CTNNA2: variants seen among roughly 807,000 people sequenced by gnomAD.
CTNNA2 encodes the protein catenin alpha-2.
CTNNA2 carries 42 observed loss-of-function variants against 101.0 expected under a neutral mutation model. That is an observed-to-expected ratio of 0.42 (90% confidence interval 0.32 to 0.54). The LOEUF (loss-of-function observed/expected upper bound fraction) is 0.54. Ranked by LOEUF, CTNNA2 falls within the 20% of genes least tolerant of loss-of-function variation. The probability of loss-of-function intolerance (pLI) is 0.14; values close to 1 mark genes in which losing one functional copy is unlikely to be tolerated. For synonymous variants in CTNNA2, 450 were observed against 456.4 expected, an observed-to-expected ratio of 0.99 and a Z score of 0.18; for missense variants, 871 against 1,223.1, an observed-to-expected ratio of 0.71 and a Z score of 4.29.
At chr2:80,286,463 G>C (rs974400725) in intron 7 of CTNNA2, among the ~76,000 whole-genome samples, 1 of 152,128 alleles carries the variant, frequency 6.6e-6, no homozygotes, top group Non-Finnish European at 1.5e-5. Context: ...ATATTGAAAT[G>C]GAATAAAATT....
chr2:80,604,118 C>T lies in CTNNA2; in HGVS notation c.2234C>T (p.Ala745Val). 1.2e-6 allele frequency: 2 copies of T among 1,613,092 alleles called. No homozygotes were observed. Among genetic ancestry groups the T allele is most frequent in the Non-Finnish European group, 1.7e-6 (2 of 1,179,452 alleles). ...AATACATCTGATGTCATTAATGCTG[C>T]CAAGAAAATTGCCGAAGCAGGTTCT... ...LKNTSDVINA[A>V]KKIAEAGSRM... Residue 745 changes from alanine (A) to valine (V), a missense_variant, in exon 16 of 19, where the codon GCC becomes GTC. Physicochemically the swap from Ala to Val is moderately conservative, Grantham distance 64. This residue lies in a region of CTNNA2 where 93 missense variants were observed against 223.7 expected (regional missense o/e 0.42). Coordinates refer to ENST00000402739, the MANE Select transcript of CTNNA2 (RefSeq NM_001282597.3).
intron 1 of CTNNA2, among the ~76,000 whole-genome samples, chr2:79,650,628 T>C (rs1398720216): frequency 6.6e-6 from 1 of 151,960 alleles, no homozygotes; most frequent in Non-Finnish European, 1.5e-5. Context: ...TCTTTTTTTT[T>C]TTTTAAATGT....
rs148170772 is a variant in CTNNA2, at chr2:79,248,300, C to T, written c.-406+50224C>T. Among the ~76,000 whole-genome samples, 297 of 151,928 alleles carry T rather than the reference C, an allele frequency of 2.0e-3. 8 individuals carry two copies. The East Asian group carries it at 0.036, about 18-fold the overall frequency. On this transcript the variant is annotated intron_variant, in intron 2 of 21. Coordinates refer to the CTNNA2 transcript ENST00000466387. ...CATGTTATTTTAAAATTTTAGTAGC[C>T]ATCCATGTTAAAAACAAAAGTAAAA...
chr2:80,568,389 T>A (rs1694248571), intron 12 of CTNNA2, among the ~76,000 whole-genome samples: 1 of 152,220 alleles, frequency 6.6e-6, no homozygotes, highest in Non-Finnish European at 1.5e-5. Context: ...TTTTACTTCT[T>A]ATCCTTCTCT....
At position 79,699,680 on chromosome 2, in the gene CTNNA2, T is replaced by G. The variant is rs536149443; in HGVS notation, c.103-44707T>G. Among the ~76,000 whole-genome samples, 6 of 151,180 alleles carry G rather than the reference T, an allele frequency of 4.0e-5. No homozygotes were observed. The East Asian group carries it at 1.2e-3, about 29-fold the overall frequency. ...ATCCCAACAGTACCTTGGACCTTTT[T>G]GGGGGGATCTTTTTTGTATTTTTTT... On this transcript the variant is annotated intron_variant, in intron 2 of 18. Transcript: ENST00000402739.
At chr2:79,646,182 A>T (rs1362111185) in intron 1 of CTNNA2, among the ~76,000 whole-genome samples, 1 of 152,204 alleles carries the variant, frequency 6.6e-6, no homozygotes, top group Non-Finnish European at 1.5e-5. Context: ...AGGTTTGAAA[A>T]GGAGAATTTC....
At chr2:80,436,539 G>T (rs2149434833) in intron 9 of CTNNA2, among the ~76,000 whole-genome samples, 1 of 152,236 alleles carries the variant, frequency 6.6e-6, no homozygotes, top group Admixed American at 6.5e-5. Flanking sequence ...CGCTGCTATG[G>T]TCTCAATGTT....
chr2:79,655,396 A>C (rs1681539505), intron 2 of CTNNA2, among the ~76,000 whole-genome samples: 1 of 152,204 alleles, frequency 6.6e-6, no homozygotes, highest in Non-Finnish European at 1.5e-5. Context: ...TGTGTAATTT[A>C]TGAGAAGGAT....
rs75085392 is a variant in CTNNA2, at chr2:79,745,778, C to A, written c.298+1196C>A. 7.4e-3 allele frequency among the ~76,000 whole-genome samples: 1,122 copies of A among 152,178 alleles called. 13 individuals are homozygous for A. Among genetic ancestry groups the A allele is most frequent in the African/African-American group, 0.026 (1,075 of 41,518 alleles). ...TTCAGAATTCCATCGTATGTATATACCACATTTTGTTTATACATTCATCCA... is the reference window on the plus strand; with the variant it reads ...TTCAGAATTCCATCGTATGTATATAACACATTTTGTTTATACATTCATCCA... On this transcript the variant is annotated intron_variant, in intron 3 of 18. Coordinates refer to ENST00000402739, the MANE Select transcript of CTNNA2 (RefSeq NM_001282597.3).
At chr2:80,470,763 A>G (rs1012942890) in intron 9 of CTNNA2, among the ~76,000 whole-genome samples, 7 of 152,228 alleles carry the variant, frequency 4.6e-5, no homozygotes, top group African/African-American at 1.4e-4. Flanking sequence ...GAGTAAGAAG[A>G]CCAATTAATA....
chr2:80,317,851 G>A (rs1273669767), intron 7 of CTNNA2, among the ~76,000 whole-genome samples: 2 of 152,160 alleles, frequency 1.3e-5, no homozygotes, highest in East Asian at 1.9e-4. Flanking sequence ...ATGCTCAGAT[G>A]TCAGTGTCCA....
intron 3 of CTNNA2, among the ~76,000 whole-genome samples, chr2:79,315,668 T>G (rs1370187309): frequency 6.6e-6 from 1 of 152,182 alleles, no homozygotes; most frequent in African/African-American, 2.4e-5. Context: ...TGGCAGAAAT[T>G]TGAGTTCTTT....
chr2:79,262,327 C>T (rs1252568768), intron 2 of CTNNA2, among the ~76,000 whole-genome samples: 2 of 152,076 alleles, frequency 1.3e-5, no homozygotes, highest in Non-Finnish European at 2.9e-5. Flanking sequence ...TTCTAGACAG[C>T]ACTGACTCAA....
intron 1 of CTNNA2, among the ~76,000 whole-genome samples, chr2:79,593,618 C>T (rs1224910675): frequency 6.6e-6 from 1 of 152,008 alleles, no homozygotes; most frequent in East Asian, 1.9e-4. Context: ...TCTCTGCCGT[C>T]CTTCTTCTCT....
At chr2:79,687,748 C>T (rs1684033345) in intron 2 of CTNNA2, 1 of 483,398 alleles carries the variant, frequency 2.1e-6, no homozygotes, top group Non-Finnish European at 3.7e-6. Flanking sequence ...ATAAGATATC[C>T]CAAAATGCTG....
chr2:79,254,798 G>A (rs1462474441), intron 2 of CTNNA2, among the ~76,000 whole-genome samples: 1 of 152,036 alleles, frequency 6.6e-6, no homozygotes, highest in Non-Finnish European at 1.5e-5. Context: ...GAAAGTAAAT[G>A]ACAACATTGT....
intron 3 of CTNNA2, among the ~76,000 whole-genome samples, chr2:79,808,911 G>C (rs1425557569): frequency 6.6e-6 from 1 of 151,960 alleles, no homozygotes; most frequent in East Asian, 1.9e-4. Flanking sequence ...TCTACATTAG[G>C]TATTTCTCCT....
At chr2:80,481,572 T>C (rs1363741674) in intron 9 of CTNNA2, among the ~76,000 whole-genome samples, 1 of 152,096 alleles carries the variant, frequency 6.6e-6, no homozygotes, top group African/African-American at 2.4e-5. Context: ...AACAGATTGG[T>C]CTAACACTAG....
intron 7 of CTNNA2, among the ~76,000 whole-genome samples, chr2:80,168,144 G>A (rs1488151760): frequency 6.6e-6 from 1 of 152,122 alleles, no homozygotes; most frequent in Non-Finnish European, 1.5e-5. Context: ...GGGCATGGCT[G>A]GGTGCAGTAC....
Sources: gnomAD v4.1 joint callset for allele counts (sites outside exome capture counted in the v4.1 genomes callset) on GRCh38, gnomAD v4.1.1 for gene constraint, gnomAD v4.1.1 regional missense constraint, MANE v1.5 for transcripts, NCBI Gene and HGNC (gene_info 2026-07-23, HGNC 2026-07-21) for gene names.